The following TBX4 variants were observed in gnomAD, a reference collection of about 807,000 sequenced individuals.
TBX4 encodes T-box transcription factor 4, also known as T-box transcription factor TBX4.
Under a neutral mutation model 54.6 loss-of-function variants are expected in TBX4, and 13 were observed. The ratio of observed to expected loss-of-function variants is 0.24; its 90% confidence interval spans 0.15 to 0.38. TBX4 has a LOEUF of 0.38. Ranked by LOEUF, TBX4 falls within the 10% of genes least tolerant of loss-of-function variation. The pLI is 1.00. For missense variants in TBX4, 631 were observed against 728.5 expected (o/e 0.87, Z 1.54); for synonymous variants, 314 against 306.7 (o/e 1.02, Z -0.25).
At chr17:61,470,246 T>A (rs1433859269) in intron 5 of TBX4, among the ~76,000 whole-genome samples, 1 of 152,194 alleles carries the variant, frequency 6.6e-6, no homozygotes, top group Non-Finnish European at 1.5e-5. Context: ...GTGGCTCATG[T>A]GTCTGCTTGC....
rs977424960 is a variant in TBX4, at chr17:61,478,017, T to C, written c.550-610T>C. Among the ~76,000 whole-genome samples the C allele has an allele frequency of 6.8e-6, 1 of 147,674 alleles. No homozygotes were observed. The highest frequency in any genetic ancestry group is 1.5e-5 in the Non-Finnish European group (1 of 66,254). ...AAGAAATGCATGAACAAATGAGCAA[T>C]GTGACAAAAAAAGTTACAGTGGGAC... On this transcript the variant is annotated intron_variant, in intron 5 of 8. Coordinates refer to ENST00000644296, the MANE Select transcript of TBX4 (RefSeq NM_001321120.2). The surrounding 1 kb of genome is among the most constrained non-coding windows in gnomAD (Gnocchi z 7.4).
At chr17:61,454,137 A>T (rs1225233447) in intron 1 of TBX4, among the ~76,000 whole-genome samples, 1 of 152,256 alleles carries the variant, frequency 6.6e-6, no homozygotes, top group African/African-American at 2.4e-5. Flanking sequence ...TTAACCATAC[A>T]GTATTAAAGA....
In TBX4 at chr17:61,483,621, T is replaced by A; in HGVS notation, c.*105T>A. On this transcript the variant is annotated 3_prime_UTR_variant, in exon 9 of 9. Coordinates refer to ENST00000644296, the MANE Select transcript of TBX4 (RefSeq NM_001321120.2). This position sits in a 1 kb window ranked among gnomAD's most constrained non-coding sequence, Gnocchi z 6.6. ...ACACAGGAAGGTATTCCAGTGTGTG[T>A]GTGTGTGTGTGTGTGTGTGTGTGTG... 1.0e-6 allele frequency: 1 copy of A among 967,170 alleles called. No homozygotes were observed. The highest frequency in any genetic ancestry group is 1.6e-6 in the Non-Finnish European group (1 of 620,484). 59.9% of individuals were successfully genotyped at this position (967,170 alleles called of 1,614,324 possible). A position where few individuals can be genotyped will look rare whatever the true frequency, so the allele number is the denominator to read the frequency against.
chr17:61,456,571 C>A lies in TBX4; in HGVS notation c.81C>A (p.Ala27=). 1 of 1,542,152 alleles carries A rather than the reference C, an allele frequency of 6.5e-7. No homozygotes were observed. Among genetic ancestry groups the A allele is most frequent in the South Asian group, 1.2e-5 (1 of 83,370 alleles). Residue 27 remains alanine, a synonymous_variant, in exon 2 of 9, where the codon GCC becomes GCA. Transcript: ENST00000644296. ...CAGCGCTCGGAGAGGCCAGCGCAGC[C>A]AACGCCCCCGAGCCCGCGCTGGCAG... ...PGPALGEASA[A]NAPEPALAAP...
In TBX4 at chr17:61,483,237, G is replaced by A. The variant is rs566653409; in HGVS notation, c.1362G>A (p.Pro454=). The change falls in exon 9 of 9, where the codon CCG becomes CCA. Residue 454 remains proline (P), a synonymous_variant. Coordinates refer to ENST00000644296, the MANE Select transcript of TBX4 (RefSeq NM_001321120.2). The surrounding 1 kb of genome is among the most constrained non-coding windows in gnomAD (Gnocchi z 6.6). ...PTHFTATTMM[P]RLPTLSAQSS... is the part of the protein sequence containing the mutation. The stretch of plus-strand genomic sequence containing the variant: ...ACTTCACCGCCACCACCATGATGCC[G>A]CGGCTGCCCACCCTCTCCGCTCAGA... 19 of 1,614,122 alleles carry A rather than the reference G, an allele frequency of 1.2e-5. No individual in the cohort carries two copies. The highest frequency in any genetic ancestry group is 8.9e-5 in the East Asian group (4 of 44,880).
In TBX4 at chr17:61,478,550, G is replaced by A; in HGVS notation, c.550-77G>A. ...AGGAGAATGAGAAAAACCAGGCCAG[G>A]GCCAGAAGAATGAGGTCAAGGGCCT... On this transcript the variant is annotated intron_variant, in intron 5 of 8. Transcript: ENST00000644296. This position sits in a 1 kb window ranked among gnomAD's most constrained non-coding sequence, Gnocchi z 7.4. The A allele has an allele frequency of 6.3e-7, 1 of 1,598,762 alleles. No individual in the cohort carries two copies. The highest frequency in any genetic ancestry group is 8.6e-7 in the Non-Finnish European group (1 of 1,166,470).
intron 5 of TBX4, among the ~76,000 whole-genome samples, chr17:61,469,771 T>G (rs565221215): frequency 6.6e-6 from 1 of 152,284 alleles, no homozygotes; most frequent in Admixed American, 6.5e-5. Context: ...AGCAACCCAT[T>G]TGGACATTGA....
chr17:61,457,399 T>G lies in TBX4; in HGVS notation c.187-138T>G, dbSNP rs1168202094. ...ATTCACGAATAGTTCAAAATCGTTC[T>G]GTGAAACGAAATCTGGAGCCATGGG... On this transcript the variant is annotated intron_variant, in intron 2 of 8. Transcript: ENST00000644296. The surrounding 1 kb of genome is among the most constrained non-coding windows in gnomAD (Gnocchi z 8.2). The G allele has an allele frequency of 1.4e-6, 1 of 728,960 alleles. No individual in the cohort carries two copies. The highest frequency in any genetic ancestry group is 2.3e-5 in the Admixed American group (1 of 43,420). The allele number at this position is 728,960 out of a possible 1,614,324, so 45.2% of individuals were successfully genotyped here.
rs1009155607 is a variant in TBX4, at chr17:61,476,537, G to A, written c.550-2090G>A. Among the ~76,000 whole-genome samples, 7 of 152,194 alleles carry A rather than the reference G, an allele frequency of 4.6e-5. No individual in the cohort carries two copies. The highest frequency in any genetic ancestry group is 1.7e-4 in the African/African-American group (7 of 41,440). The stretch of plus-strand genomic sequence containing the variant: ...AAAGGGGCTGGGAGGTGTTTTCCAG[G>A]CCCAGTTCCTCTCGCCACAGGAGCA... On this transcript the variant is annotated intron_variant, in intron 5 of 8. Transcript: ENST00000644296. The surrounding 1 kb of genome is among the most constrained non-coding windows in gnomAD (Gnocchi z 6.5).
Position 61,477,047 on chromosome 17 carries a change from G to A in TBX4, c.550-1580G>A, listed in dbSNP as rs560822254. Among the ~76,000 whole-genome samples the A allele has an allele frequency of 1.7e-4, 26 of 152,344 alleles. No individual in the cohort carries two copies. In the South Asian group the frequency reaches 3.7e-3, roughly 22 times the overall value. ...AACCTTTCATTCAGCGTCAGTACCA[G>A]GTCCCATCCCTGGGAACCTAGAAGG... On this transcript the variant is annotated intron_variant, in intron 5 of 8. Transcript: ENST00000644296.
At position 61,459,397 on chromosome 17, in the gene TBX4, T is replaced by G. The variant is rs2060478505; in HGVS notation, c.281+1766T>G. On this transcript the variant is annotated intron_variant, in intron 3 of 8. Coordinates refer to ENST00000644296, the MANE Select transcript of TBX4 (RefSeq NM_001321120.2). This position sits in a 1 kb window ranked among gnomAD's most constrained non-coding sequence, Gnocchi z 4.8. ...CAAGTGCGAAGGGGAATGGGGCTAT[T>G]TCTTGTGCCTGCTAGTGTGGAAAGA... Among the ~76,000 whole-genome samples, 1 of 152,230 alleles carries G rather than the reference T, an allele frequency of 6.6e-6. No homozygotes were observed. Among genetic ancestry groups the G allele is most frequent in the Non-Finnish European group, 1.5e-5 (1 of 68,044 alleles).
Position 61,482,878 on chromosome 17 carries a change from A to T in TBX4, c.1022-19A>T. The T allele has an allele frequency of 6.2e-7, 1 of 1,612,336 alleles. No homozygotes were observed. Among genetic ancestry groups the T allele is most frequent in the Non-Finnish European group, 8.5e-7 (1 of 1,179,728 alleles). On this transcript the variant is annotated intron_variant, in intron 8 of 8. Transcript: ENST00000644296. ...GGCTGGTGGAAATGGTTCTTCCTGA[A>T]TGTTACTTTGTCTTTCAGCAGACGG...
In TBX4 at chr17:61,462,177, G is replaced by A. The variant is rs927886623; in HGVS notation, c.282-3642G>A. Reference sequence around the variant, plus strand: ...ACGTCCGAGGAAGCTTATCTTAGCAGTTCATTCTAAAGCCATTTCCGAGTA... The same window carrying A: ...ACGTCCGAGGAAGCTTATCTTAGCAATTCATTCTAAAGCCATTTCCGAGTA... On this transcript the variant is annotated intron_variant, in intron 3 of 8. Transcript: ENST00000644296. This position sits in a 1 kb window ranked among gnomAD's most constrained non-coding sequence, Gnocchi z 4.5. Among the ~76,000 whole-genome samples the A allele has an allele frequency of 2.0e-5, 3 of 152,206 alleles. No homozygotes were observed. Among genetic ancestry groups the A allele is most frequent in the African/African-American group, 4.8e-5 (2 of 41,456 alleles).
At chr17:61,477,140 A>G (rs530579146) in intron 5 of TBX4, among the ~76,000 whole-genome samples, 12 of 152,364 alleles carry the variant, frequency 7.9e-5, no homozygotes, top group African/African-American at 2.6e-4. Flanking sequence ...TCAGAGGGGA[A>G]GGGGACCCGA....
chr17:61,454,536 G>A (rs1224020345), intron 1 of TBX4, among the ~76,000 whole-genome samples: 1 of 152,232 alleles, frequency 6.6e-6, no homozygotes, highest in African/African-American at 2.4e-5. Flanking sequence ...CCAGCCGGGC[G>A]TGGAAAAAAG....
In TBX4 at chr17:61,483,261, G is replaced by T. The variant is rs938600960; in HGVS notation, c.1386G>T (p.Gln462His). ...MMPRLPTLSA[Q>H]SSQPPGNAHF... ...CGCGGCTGCCCACCCTCTCCGCTCAGAGCTCCCAGCCACCAGGAAATGCCC... is the reference window on the plus strand; with the variant it reads ...CGCGGCTGCCCACCCTCTCCGCTCATAGCTCCCAGCCACCAGGAAATGCCC... Residue 462 changes from glutamine to histidine, a missense_variant, in exon 9 of 9, where the codon CAG becomes CAT. Coordinates refer to ENST00000644296, the MANE Select transcript of TBX4 (RefSeq NM_001321120.2). This position sits in a 1 kb window ranked among gnomAD's most constrained non-coding sequence, Gnocchi z 6.6. 1 of 1,614,016 alleles carries T rather than the reference G, an allele frequency of 6.2e-7. No homozygotes were observed. Among genetic ancestry groups the T allele is most frequent in the Non-Finnish European group, 8.5e-7 (1 of 1,180,020 alleles).
rs2060678580 is a variant in TBX4 at position 61,483,260 on chromosome 17, A to G, written c.1385A>G (p.Gln462Arg). 3 of 1,614,130 alleles carry G rather than the reference A, an allele frequency of 1.9e-6. No individual in the cohort carries two copies. Among genetic ancestry groups the G allele is most frequent in the African/African-American group, 2.7e-5 (2 of 75,034 alleles). Residue 462 changes from glutamine to arginine, a missense_variant, in exon 9 of 9, where the codon CAG becomes CGG. Gln to Arg is a conservative substitution (Grantham distance 43, BLOSUM62 1). This residue lies in a region of TBX4 where 354 missense variants were observed against 368.9 expected (regional missense o/e 0.96). Coordinates refer to ENST00000644296, the MANE Select transcript of TBX4 (RefSeq NM_001321120.2). The surrounding 1 kb of genome is among the most constrained non-coding windows in gnomAD (Gnocchi z 6.6). ...MMPRLPTLSAQSSQPPGNAHF... is the reference protein window; with the variant it reads ...MMPRLPTLSARSSQPPGNAHF... ...CCGCGGCTGCCCACCCTCTCCGCTC[A>G]GAGCTCCCAGCCACCAGGAAATGCC...
In TBX4 at chr17:61,459,927, C is replaced by T. The variant is rs921132254; in HGVS notation, c.281+2296C>T. Among the ~76,000 whole-genome samples, 3 of 151,688 alleles carry T rather than the reference C, an allele frequency of 2.0e-5. No individual in the cohort carries two copies. Among genetic ancestry groups the T allele is most frequent in the African/African-American group, 7.3e-5 (3 of 41,232 alleles). On this transcript the variant is annotated intron_variant, in intron 3 of 8. Coordinates refer to ENST00000644296, the MANE Select transcript of TBX4 (RefSeq NM_001321120.2). The surrounding 1 kb of genome is among the most constrained non-coding windows in gnomAD (Gnocchi z 4.8). ...GCAACCACTGTATTGCTCTGATCTACGTTACTCAGGCTGTGGTTCTTCAAC... is the reference window on the plus strand; with the variant it reads ...GCAACCACTGTATTGCTCTGATCTATGTTACTCAGGCTGTGGTTCTTCAAC...
rs545836496 is a variant in TBX4, at chr17:61,466,026, A to G, written c.401+88A>G. 5.7e-6 allele frequency: 9 copies of G among 1,590,752 alleles called. No individual in the cohort carries two copies. The African/African-American group carries it at 6.7e-5, about 12-fold the overall frequency. On this transcript the variant is annotated intron_variant, in intron 4 of 8. Coordinates refer to ENST00000644296, the MANE Select transcript of TBX4 (RefSeq NM_001321120.2). ...TAGTGTTTTGTCCGGGGGATTTCTT[A>G]GCTACCTGAGTGACTGCCCAGGTCT...
Sources: gnomAD v4.1 joint callset for allele counts (sites outside exome capture counted in the v4.1 genomes callset) on GRCh38, gnomAD v4.1.1 for gene constraint, gnomAD v4.1.1 regional missense constraint, Gnocchi (gnomAD v3.1) non-coding constraint, MANE v1.5 for transcripts, NCBI Gene and HGNC (gene_info 2026-07-23, HGNC 2026-07-21) for gene names.